Variants in UST observed in about 807,000 individuals in gnomAD.
UST encodes the protein uronyl 2-sulfotransferase.
Under a neutral mutation model 45.6 loss-of-function variants are expected in UST, and 21 were observed. That is an observed-to-expected ratio of 0.46 (90% CI 0.33 to 0.66). The LOEUF is 0.66. Among genes scored for constraint, UST ranks in the 30% least tolerant of loss-of-function variants. The probability of loss-of-function intolerance (pLI) is 0.02; values close to 1 mark genes in which losing one functional copy is unlikely to be tolerated. For missense variants in UST, 463 were observed against 512.4 expected, an observed-to-expected ratio of 0.90 and a Z score of 0.93; for synonymous variants, 215 against 200.6, an observed-to-expected ratio of 1.07 and a Z score of -0.61.
chr6:148,830,930 C>T lies in UST; in HGVS notation c.248-56056C>T, dbSNP rs114262099. ...AATGTATTTAATGCCACTGAACTGT[C>T]CACTTAAAAATGGTAAATTATATAT... is the stretch of plus-strand genomic sequence containing the variant. On this transcript the variant is annotated intron_variant, in intron 1 of 7. Transcript: ENST00000367463. Among the ~76,000 whole-genome samples the T allele has an allele frequency of 6.4e-3, 974 of 151,998 alleles. 9 individuals are homozygous for T. The highest frequency in any genetic ancestry group is 0.023 in the African/African-American group (939 of 41,420).
chr6:148,936,213 T>TA (rs1257759455), intron 2 of UST, among the ~76,000 whole-genome samples: 3 of 152,120 alleles, frequency 2.0e-5, no homozygotes, highest in Non-Finnish European at 4.4e-5. Flanking sequence ...CTACATAGTG[T>TA]AAAGGAAAAT....
In UST at chr6:149,045,841, T is replaced by A. The variant is rs563213999; in HGVS notation, c.937+24360T>A. Among the ~76,000 whole-genome samples, 17 of 152,298 alleles carry A rather than the reference T, an allele frequency of 1.1e-4. No individual in the cohort carries two copies. The South Asian group carries it at 3.5e-3, about 32-fold the overall frequency. On this transcript the variant is annotated intron_variant, in intron 7 of 7. Coordinates refer to ENST00000367463, the MANE Select transcript of UST (RefSeq NM_005715.3). ...TAAAGGGATGCAGATTACTCCACAGTGCCACAATTTTGCCAGTCACCCAAG... is the reference window on the plus strand; with the variant it reads ...TAAAGGGATGCAGATTACTCCACAGAGCCACAATTTTGCCAGTCACCCAAG...
At chr6:148,899,821 G>A (rs188082084) in intron 2 of UST, among the ~76,000 whole-genome samples, 13 of 152,246 alleles carry the variant, frequency 8.5e-5, no homozygotes, top group East Asian at 5.8e-4. Context: ...TGCTGCTTCC[G>A]GATTTCACTC....
At chr6:148,888,377 G>A (rs955337917) in intron 2 of UST, among the ~76,000 whole-genome samples, 1 of 152,104 alleles carries the variant, frequency 6.6e-6, no homozygotes, top group Non-Finnish European at 1.5e-5. Context: ...ATTTGGGTGG[G>A]GACACAGATC....
intron 1 of UST, among the ~76,000 whole-genome samples, chr6:148,773,932 C>A (rs180799496): frequency 6.6e-6 from 1 of 152,162 alleles, no homozygotes; most frequent in Non-Finnish European, 1.5e-5. Flanking sequence ...ACTTGTCTTG[C>A]GGCCCAATTC....
intron 2 of UST, among the ~76,000 whole-genome samples, chr6:148,890,273 G>A (rs1370207862): frequency 2.0e-5 from 3 of 152,220 alleles, no homozygotes; most frequent in South Asian, 4.2e-4. Context: ...TCAGACTTCC[G>A]GATAAAGGTC....
chr6:148,770,760 C>T (rs900461420), intron 1 of UST, among the ~76,000 whole-genome samples: 1 of 152,110 alleles, frequency 6.6e-6, no homozygotes, highest in Non-Finnish European at 1.5e-5. Flanking sequence ...AGACAAGGAG[C>T]CTGAATTCAG....
intron 1 of UST, among the ~76,000 whole-genome samples, chr6:148,838,731 C>T (rs1458404571): frequency 6.6e-6 from 1 of 152,054 alleles, no homozygotes; most frequent in Non-Finnish European, 1.5e-5. Flanking sequence ...CCCTGTCACC[C>T]CTGTCTCTAC....
intron 2 of UST, among the ~76,000 whole-genome samples, chr6:148,892,222 G>A (rs1346493772): frequency 2.0e-5 from 3 of 152,142 alleles, no homozygotes; most frequent in Non-Finnish European, 4.4e-5. Flanking sequence ...CATCATTAGA[G>A]TCTTCAGTGC....
chr6:148,861,499 C>T (rs188335189), intron 1 of UST, among the ~76,000 whole-genome samples: 23 of 152,162 alleles, frequency 1.5e-4, no homozygotes, highest in African/African-American at 4.8e-4. Context: ...CTGTCTCCTT[C>T]GGTTCTGTTC....
At chr6:149,025,457 G>T (rs1221028275) in intron 7 of UST, among the ~76,000 whole-genome samples, 3 of 152,076 alleles carry the variant, frequency 2.0e-5, no homozygotes, top group Non-Finnish European at 2.9e-5. Context: ...AATATGCTTG[G>T]TATTTCTTCC....
chr6:148,990,726 G>A (rs1369885457), intron 5 of UST, among the ~76,000 whole-genome samples: 2 of 152,202 alleles, frequency 1.3e-5, no homozygotes, highest in Middle Eastern at 3.4e-3. Flanking sequence ...CTTTCAAAGC[G>A]CAACTTCTCT....
chr6:148,977,174 G>T (rs1781031136), intron 5 of UST, among the ~76,000 whole-genome samples: 1 of 151,270 alleles, frequency 6.6e-6, no homozygotes, highest in African/African-American at 2.4e-5. Context: ...AGAGGGATCT[G>T]TTTTTTCTTT....
chr6:148,860,843 A>G (rs1190126099), intron 1 of UST, among the ~76,000 whole-genome samples: 4 of 152,214 alleles, frequency 2.6e-5, no homozygotes, highest in Non-Finnish European at 5.9e-5. Flanking sequence ...CCAGGGATGA[A>G]GCCCACTTGA....
intron 7 of UST, among the ~76,000 whole-genome samples, chr6:149,071,340 A>T (rs528043268): frequency 6.6e-6 from 1 of 152,340 alleles, no homozygotes; most frequent in South Asian, 2.1e-4. Flanking sequence ...TTTTGGAAAT[A>T]GCCATTTGGA....
chr6:148,834,073 C>A (rs1582841005), intron 1 of UST, among the ~76,000 whole-genome samples: 1 of 151,984 alleles, frequency 6.6e-6, no homozygotes, highest in East Asian at 1.9e-4. Flanking sequence ...TAATTTTTTC[C>A]ATTTATTGTC....
chr6:148,814,225 A>C (rs1777315593), intron 1 of UST, among the ~76,000 whole-genome samples: 1 of 152,036 alleles, frequency 6.6e-6, no homozygotes. Context: ...CACCTGTATG[A>C]GGAGTGTGTG....
At chr6:148,865,438 T>C (rs531307436) in intron 1 of UST, among the ~76,000 whole-genome samples, 1 of 152,280 alleles carries the variant, frequency 6.6e-6, no homozygotes, top group East Asian at 1.9e-4. Flanking sequence ...TGATCAGAGG[T>C]ACTGTAGAGG....
chr6:148,996,932 AT>A (rs1229244128), intron 5 of UST, among the ~76,000 whole-genome samples: 1 of 152,192 alleles, frequency 6.6e-6, no homozygotes, highest in Non-Finnish European at 1.5e-5. Flanking sequence ...TTTAATTAGA[AT>A]TTTTATTTTA....
Sources: gnomAD v4.1 joint callset for allele counts (sites outside exome capture counted in the v4.1 genomes callset) on GRCh38, gnomAD v4.1.1 for gene constraint, MANE v1.5 for transcripts, NCBI Gene and HGNC (gene_info 2026-07-23, HGNC 2026-07-21) for gene names.